The following VPS29 variants were observed in gnomAD, a reference collection of about 807,000 sequenced individuals.
VPS29 encodes the protein VPS29 retromer complex component.
A neutral mutation model predicts 20.0 loss-of-function variants in VPS29; 2 were observed. That is an observed-to-expected ratio of 0.10 (90% CI 0.04 to 0.31). VPS29 has a LOEUF of 0.31. Among genes scored for constraint, VPS29 ranks in the 10% least tolerant of loss-of-function variants. VPS29 has a pLI of 1.00. For synonymous variants in VPS29, 81 were observed against 79.3 expected (o/e 1.02, Z -0.12); for missense variants, 120 against 215.3 (o/e 0.56, Z 2.77).
At chr12:110,501,442 A>G (rs1417876104) in intron 1 of VPS29, 1 of 1,535,374 alleles carries the variant, frequency 6.5e-7, no homozygotes, top group East Asian at 2.4e-5. Context: ...CAACCCGTGG[A>G]AAGAAACAGT....
intron 1 of VPS29, among the ~76,000 whole-genome samples, chr12:110,498,021 G>T (rs1194430878): frequency 1.3e-5 from 2 of 150,604 alleles, no homozygotes; most frequent in Non-Finnish European, 3.0e-5. Flanking sequence ...GCCCAGGCTG[G>T]AGTGCAATGG....
rs747380968 is a variant in VPS29, at chr12:110,502,059, C to G, written c.-8G>C. On this transcript the variant is annotated 5_prime_UTR_variant, in exon 1 of 4. Coordinates refer to ENST00000549578, the MANE Select transcript of VPS29 (RefSeq NM_016226.5). ...AACTGCAGCCCTCACCATCCTGTCA[C>G]CGGGCTCCGCTCAGTCACCACCACC... The G allele has an allele frequency of 2.5e-6, 4 of 1,612,318 alleles. No homozygotes were observed. The highest frequency in any genetic ancestry group is 2.7e-5 in the African/African-American group (2 of 75,048).
chr12:110,501,211 G>C (rs2063028613), intron 1 of VPS29, among the ~76,000 whole-genome samples: 2 of 151,998 alleles, frequency 1.3e-5, no homozygotes, highest in Non-Finnish European at 2.9e-5. Flanking sequence ...TTACAGCTCT[G>C]AGTCCTCTCT....
chr12:110,493,219 G>A lies in VPS29; in HGVS notation c.208C>T (p.Pro70Ser). The change falls in exon 3 of 4, where the codon CCA (proline) becomes TCA (serine). Residue 70 changes from proline to serine, a missense_variant. Pro to Ser is a moderately conservative substitution (Grantham distance 74, BLOSUM62 -1). Transcript: ENST00000549578. ...RGDFDENLNYPEQKVVTVGQF... is the reference protein window; with the variant it reads ...RGDFDENLNYSEQKVVTVGQF... Reference sequence around the variant, plus strand: ...CCAACAGTCACAACTTTCTGTTCTGGATAATTCAGATTCTAACATAAGAAA... The same window carrying A: ...CCAACAGTCACAACTTTCTGTTCTGAATAATTCAGATTCTAACATAAGAAA... 1 of 1,516,668 alleles carries A rather than the reference G, an allele frequency of 6.6e-7. No individual in the cohort carries two copies. The highest frequency in any genetic ancestry group is 8.8e-7 in the Non-Finnish European group (1 of 1,131,404). 94.0% of individuals were successfully genotyped at this position (1,516,668 alleles called of 1,614,324 possible). A position where few individuals can be genotyped will look rare whatever the true frequency, so the allele number is the denominator to read the frequency against.
In VPS29 at chr12:110,501,579, G is replaced by A. The variant is rs927976670; in HGVS notation, c.3+470C>T. 1.0e-5 allele frequency: 16 copies of A among 1,535,084 alleles called. No individual in the cohort carries two copies. In the Admixed American group the frequency reaches 1.2e-4, roughly 11 times the overall value. On this transcript the variant is annotated intron_variant, in intron 1 of 3. Transcript: ENST00000549578. ...CTTTCCCTAGATGGCAAAGTTAAAC[G>A]GGTACGAAATTCTGCTCGCTACTTC...
intron 1 of VPS29, chr12:110,498,964 A>C (rs77248464): frequency 4.9e-4 from 206 of 417,344 alleles, no homozygotes; most frequent in Middle Eastern, 2.6e-3. Context: ...CAACAACAAC[A>C]ACCACCACCC....
intron 1 of VPS29, among the ~76,000 whole-genome samples, chr12:110,497,483 C>T (rs1378599715): frequency 6.6e-6 from 1 of 151,736 alleles, no homozygotes; most frequent in Non-Finnish European, 1.5e-5. Context: ...TCCCAAAGTG[C>T]TAGGATTACA....
intron 1 of VPS29, 82 bp from the exon 2 acceptor site, chr12:110,496,285 T>A: frequency 8.0e-7 from 1 of 1,242,376 alleles, no homozygotes; most frequent in Non-Finnish European, 1.1e-6. Context: ...AGCCCCCTTT[T>A]AAGTCTCATA....
chr12:110,493,250 G>GT lies in VPS29; in HGVS notation c.196-20dup. On this transcript the variant is annotated intron_variant, in intron 2 of 3. Coordinates refer to ENST00000549578, the MANE Select transcript of VPS29 (RefSeq NM_016226.5). ...TCAGATTCTAACATAAGAAAAAGACGTAAGAAAATATGTATTTTAGAGATA... is the reference window on the plus strand; with the variant it reads ...TCAGATTCTAACATAAGAAAAAGACGTTAAGAAAATATGTATTTTAGAGATA... 9.1e-6 allele frequency: 13 copies of GT among 1,433,472 alleles called. No individual in the cohort carries two copies. The highest frequency in any genetic ancestry group is 3.1e-5 in the South Asian group (2 of 64,572). 88.8% of individuals were successfully genotyped at this position (1,433,472 alleles called of 1,614,324 possible). A position where few individuals can be genotyped will look rare whatever the true frequency, so the allele number is the denominator to read the frequency against.
At chr12:110,498,923 T>C in intron 1 of VPS29, 1 of 727,728 alleles carries the variant, frequency 1.4e-6, no homozygotes, top group Non-Finnish European at 1.7e-6. Flanking sequence ...GTAAAAATAA[T>C]AGATTTCTAT....
intron 1 of VPS29, chr12:110,497,111 T>A (rs963028500): frequency 6.6e-6 from 1 of 151,790 alleles, no homozygotes; most frequent in African/African-American, 2.4e-5. Context: ...GGTTTAGAGC[T>A]GCAACATAGT....
rs149579290 is a variant in VPS29 at position 110,501,486 on chromosome 12, G to A, written c.3+563C>T. 4,078 of 1,535,490 alleles carry A rather than the reference G, an allele frequency of 2.7e-3. 9 individuals carry two copies. The highest frequency in any genetic ancestry group is 3.3e-3 in the Non-Finnish European group (3,832 of 1,146,740). ...TTGCAAGCGCCAAATCCCGCCCTCT[G>A]AGAGCACACCTGCTCATCTCAATGG... On this transcript the variant is annotated intron_variant, in intron 1 of 3. Coordinates refer to ENST00000549578, the MANE Select transcript of VPS29 (RefSeq NM_016226.5).
intron 1 of VPS29, chr12:110,498,734 A>T: frequency 1.8e-6 from 1 of 552,364 alleles, no homozygotes; most frequent in Non-Finnish European, 2.3e-6. Flanking sequence ...TAATTGTTTC[A>T]ATGCAGATCT....
In VPS29 at chr12:110,492,062, C is replaced by T. The variant is rs2062824790; in HGVS notation, c.492G>A (p.Val164=). The T allele has an allele frequency of 6.2e-7, 1 of 1,613,834 alleles. No homozygotes were observed. Among genetic ancestry groups the T allele is most frequent in the Non-Finnish European group, 8.5e-7 (1 of 1,179,990 alleles). Residue 164 remains valine, a synonymous_variant, in exon 4 of 4, where the codon GTG becomes GTA. Coordinates refer to ENST00000549578, the MANE Select transcript of VPS29 (RefSeq NM_016226.5). ...TCACATCATCTCCAATTAGCTGATA[C>T]ACATAGGTGACCACTGTAGAAGCCT... ...DIQASTVVTY[V]YQLIGDDVKV...
At chr12:110,493,276 C>G (rs1322533686) in intron 2 of VPS29, 45 bp from the exon 3 acceptor site, 6 of 1,337,858 alleles carry the variant, frequency 4.5e-6, no homozygotes, top group Non-Finnish European at 5.9e-6. Context: ...TTTAGAGATA[C>G]TGATGTTTAA....
intron 1 of VPS29, among the ~76,000 whole-genome samples, chr12:110,498,105 G>GGC (rs2135591157): frequency 6.6e-6 from 1 of 151,718 alleles, no homozygotes; most frequent in South Asian, 2.1e-4. Flanking sequence ...CCGAGTAGCT[G>GGC]GGATTACAAG....
At chr12:110,494,551 G>A (rs2062871977) in intron 2 of VPS29, among the ~76,000 whole-genome samples, 1 of 151,742 alleles carries the variant, frequency 6.6e-6, no homozygotes, top group Non-Finnish European at 1.5e-5. Context: ...ACCGCACCCG[G>A]CCTAAAATAA....
At chr12:110,492,495 G>A (rs1229396039) in intron 3 of VPS29, among the ~76,000 whole-genome samples, 2 of 151,646 alleles carry the variant, frequency 1.3e-5, no homozygotes, top group African/African-American at 2.4e-5. Context: ...ACTTGAACCC[G>A]GGAGACAGAG....
intron 1 of VPS29, chr12:110,501,845 G>A (rs1226342778): frequency 9.8e-6 from 13 of 1,328,640 alleles, no homozygotes; most frequent in Non-Finnish European, 1.4e-5. Context: ...GCCGGGATAC[G>A]AGACCTAGGC....
Sources: allele counts gnomAD v4.1 joint callset (sites outside exome capture counted in the v4.1 genomes callset), GRCh38; gene constraint gnomAD v4.1.1; transcripts MANE v1.5; gene names NCBI Gene and HGNC (gene_info 2026-07-23, HGNC 2026-07-21).